Variants in ZNF333 observed in about 807,000 individuals in gnomAD.
ZNF333 encodes zinc finger protein 333.
Under a neutral mutation model 76.1 loss-of-function variants are expected in ZNF333, and 61 were observed. The ratio of observed to expected loss-of-function variants is 0.80; its 90% CI spans 0.65 to 0.99. ZNF333 has a LOEUF of 0.99. ZNF333 is among the 50% of genes least tolerant of loss of function. ZNF333 has a pLI of 0.00. For synonymous variants in ZNF333, 284 were observed against 305.0 expected (o/e 0.93, Z 0.72); for missense variants, 717 against 822.4 (o/e 0.87, Z 1.57).
chr19:14,704,225 G>A (rs2042046249), intron 5 of ZNF333, among the ~76,000 whole-genome samples: 1 of 152,048 alleles, frequency 6.6e-6, no homozygotes, highest in East Asian at 1.9e-4. Context: ...GTGGTAGCTG[G>A]TGACTGCCGT....
chr19:14,708,549 A>AACTGCAGCACTGCTGATAATGGGCT, intron 7 of ZNF333: 1 of 386,384 alleles, frequency 2.6e-6, no homozygotes, highest in East Asian at 3.7e-5. Flanking sequence ...AGGGTTTCTC[A>AACTGCAGCACTGCTGATAATGGGCT]ACTGCAGCAC....
chr19:14,716,384 G>A (rs542380011), intron 9 of ZNF333, 146 bp downstream of exon 9: 9 of 888,594 alleles, frequency 1.0e-5, no homozygotes, highest in African/African-American at 1.7e-5. Flanking sequence ...CCAGCCTCCC[G>A]AGTAGCTGGG....
intron 7 of ZNF333, among the ~76,000 whole-genome samples, chr19:14,712,125 G>A (rs1242036996): frequency 6.6e-6 from 1 of 152,086 alleles, no homozygotes; most frequent in Non-Finnish European, 1.5e-5. Context: ...TCTGTAGAGT[G>A]TCAGAGAGGG....
At chr19:14,704,687 G>C (rs1386114398) in intron 5 of ZNF333, among the ~76,000 whole-genome samples, 1 of 152,158 alleles carries the variant, frequency 6.6e-6, no homozygotes, top group African/African-American at 2.4e-5. Context: ...ATAACCATCA[G>C]ATCTCGTGAG....
intron 7 of ZNF333, chr19:14,708,136 T>C (rs541575760): frequency 4.3e-5 from 17 of 391,106 alleles, no homozygotes; most frequent in Middle Eastern, 6.3e-4. Context: ...GCCTCCCGAG[T>C]AGCTGGGATT....
chr19:14,717,134 G>C, intron 10 of ZNF333, 45 bp downstream of exon 10: 1 of 1,526,162 alleles, frequency 6.6e-7, no homozygotes, highest in Non-Finnish European at 8.9e-7. Flanking sequence ...GGTCAGTAAG[G>C]GGAGTGTCCA....
In ZNF333 at chr19:14,719,726, G is replaced by A. The variant is rs2042547752; in HGVS notation, c.*401G>A. On this transcript the variant is annotated 3_prime_UTR_variant, in exon 12 of 12. Coordinates refer to ENST00000292530, the MANE Select transcript of ZNF333 (RefSeq NM_032433.4). ...TTGGTTTCTAATTTAATTACATGGT[G>A]AGAAGAGTATGTGGCCTCTTTGTTA... The A allele has an allele frequency of 7.0e-6, 7 of 1,004,028 alleles. No individual in the cohort carries two copies. Among genetic ancestry groups the A allele is most frequent in the African/African-American group, 1.7e-5 (1 of 57,526 alleles). 62.2% of individuals were successfully genotyped at this position (1,004,028 alleles called of 1,614,324 possible). A position where few individuals can be genotyped will look rare whatever the true frequency, so the allele number is the denominator to read the frequency against.
At chr19:14,725,172 T>G (rs935982419), downstream of ZNF333, among the ~76,000 whole-genome samples, 1 of 152,004 alleles carries the variant, frequency 6.6e-6, no homozygotes, top group Admixed American at 6.6e-5. Flanking sequence ...CAGGGGAGAT[T>G]GCATGCTCTT....
At chr19:14,706,559 T>C in intron 6 of ZNF333, 127 bp from the exon 7 acceptor site, 1 of 762,906 alleles carries the variant, frequency 1.3e-6, no homozygotes, top group Non-Finnish European at 2.3e-6. Context: ...TAAATGGGTC[T>C]CTCTCTTCTT....
chr19:14,723,740 C>T (rs1459763049), downstream of ZNF333, among the ~76,000 whole-genome samples: 1 of 152,186 alleles, frequency 6.6e-6, no homozygotes, highest in Non-Finnish European at 1.5e-5. Context: ...CACTACTCTC[C>T]TTGGTCCAAG....
At chr19:14,727,466 T>G (rs1476100938) in intron 11 of ZNF333, among the ~76,000 whole-genome samples, 1 of 152,100 alleles carries the variant, frequency 6.6e-6, no homozygotes, top group South Asian at 2.1e-4. Flanking sequence ...CATCACATAG[T>G]GAGACCAGGA....
At chr19:14,716,079 C>A (rs748164607) in intron 8 of ZNF333, 33 bp from the exon 9 acceptor site, 2 of 1,612,950 alleles carry the variant, frequency 1.2e-6, no homozygotes, top group East Asian at 2.2e-5. Flanking sequence ...TGGGGGTGGT[C>A]CCTGGCTGAG....
chr19:14,707,846 C>G, intron 7 of ZNF333: 1 of 382,782 alleles, frequency 2.6e-6, no homozygotes, highest in Non-Finnish European at 4.7e-6. Context: ...CCACCGCGCC[C>G]GGCCATAAAC....
At chr19:14,722,196 G>A (rs986249617), downstream of ZNF333, among the ~76,000 whole-genome samples, 85 of 152,196 alleles carry the variant, frequency 5.6e-4, no homozygotes, top group African/African-American at 1.9e-3. Flanking sequence ...GTAGATGGTT[G>A]CCACAATGAC....
chr19:14,719,020 C>T lies in ZNF333; in HGVS notation c.1693C>T (p.Gln565Ter), dbSNP rs1399685585. The T allele has an allele frequency of 2.5e-6, 4 of 1,613,836 alleles. No individual in the cohort carries two copies. Among genetic ancestry groups the T allele is most frequent in the African/African-American group, 1.3e-5 (1 of 74,830 alleles). Reference protein sequence around the residue: ...THTGEKPYVCQECGRAFSEPS... With the variant: ...THTGEKPYVC The stretch of plus-strand genomic sequence containing the variant: ...CACTGGAGAGAAGCCCTATGTGTGC[C>T]AGGAATGTGGGCGAGCCTTCAGTGA... Residue 565 changes from glutamine to a stop codon, truncating the protein, a stop_gained, in exon 12 of 12, where the codon CAG becomes TAG. Transcript: ENST00000292530. LOFTEE classifies it high-confidence loss of function.
At chr19:14,709,943 A>G (rs1251844560) in intron 7 of ZNF333, among the ~76,000 whole-genome samples, 1 of 152,240 alleles carries the variant, frequency 6.6e-6, no homozygotes, top group Non-Finnish European at 1.5e-5. Flanking sequence ...GATAAATACT[A>G]TAACATTTAG....
chr19:14,695,805 C>G (rs1346839752), intron 4 of ZNF333, 144 bp downstream of exon 4: 2 of 666,036 alleles, frequency 3.0e-6, no homozygotes, highest in African/African-American at 1.8e-5. Flanking sequence ...GTTCCTTTAG[C>G]TTCTCTTCTA....
chr19:14,709,995 T>C (rs2042230285), intron 7 of ZNF333, among the ~76,000 whole-genome samples: 1 of 152,182 alleles, frequency 6.6e-6, no homozygotes, highest in Non-Finnish European at 1.5e-5. Flanking sequence ...GGAGAGAGGA[T>C]ATCAGGCTTA....
intron 5 of ZNF333, chr19:14,701,457 C>A: frequency 2.1e-6 from 1 of 483,326 alleles, no homozygotes. Flanking sequence ...TGCAGGCTCC[C>A]ATTGCAGGGC....
Sources: allele counts gnomAD v4.1 joint callset (sites outside exome capture counted in the v4.1 genomes callset), GRCh38; gene constraint gnomAD v4.1.1; transcripts MANE v1.5; gene names NCBI Gene and HGNC (gene_info 2026-07-23, HGNC 2026-07-21).